The following ST6GALNAC3 variants were observed in gnomAD, a reference collection of about 807,000 sequenced individuals.
ST6GALNAC3 encodes ST6 N-acetylgalactosaminide alpha-2,6-sialyltransferase 3.
ST6GALNAC3 carries 25 observed loss-of-function variants against 32.7 expected under a neutral mutation model. The observed-to-expected ratio is 0.76, with a 90% CI of 0.56 to 1.07. The LOEUF is 1.07. Among genes scored for constraint, ST6GALNAC3 ranks in the 50% least tolerant of loss-of-function variants. The pLI, the probability that ST6GALNAC3 is intolerant of heterozygous loss-of-function variation, is 0.00. For missense variants in ST6GALNAC3, 355 were observed against 382.4 expected, an observed-to-expected ratio of 0.93 and a Z score of 0.60; for synonymous variants, 129 against 133.1, an observed-to-expected ratio of 0.97 and a Z score of 0.21.
intron 2 of ST6GALNAC3, among the ~76,000 whole-genome samples, chr1:76,346,290 C>T (rs796750017): frequency 1.3e-5 from 2 of 152,200 alleles, no homozygotes; most frequent in African/African-American, 4.8e-5. Context: ...AGGTCACAGA[C>T]AGGAGGTGGT....
chr1:76,238,566 A>C (rs931185774), intron 1 of ST6GALNAC3, among the ~76,000 whole-genome samples: 14 of 152,236 alleles, frequency 9.2e-5, no homozygotes, highest in Non-Finnish European at 1.8e-4. Context: ...GAGGAGATGG[A>C]TGATGCAGCC....
chr1:76,481,218 A>C (rs1659700773), intron 3 of ST6GALNAC3, among the ~76,000 whole-genome samples: 2 of 152,182 alleles, frequency 1.3e-5, no homozygotes, highest in Admixed American at 1.3e-4. Flanking sequence ...AAATAGGCCT[A>C]ATTGGAGGGA....
chr1:76,579,929 A>G (rs1441683877), intron 3 of ST6GALNAC3, among the ~76,000 whole-genome samples: 3 of 152,022 alleles, frequency 2.0e-5, no homozygotes, highest in African/African-American at 4.8e-5. Context: ...CCATTAGTTG[A>G]TTAGAGATTA....
intron 2 of ST6GALNAC3, among the ~76,000 whole-genome samples, chr1:76,375,872 A>C (rs1394807056): frequency 6.6e-6 from 1 of 152,212 alleles, no homozygotes; most frequent in Non-Finnish European, 1.5e-5. Context: ...TTGATAAAGC[A>C]AGGTAGGGGA....
At chr1:76,382,723 T>C (rs1000024378) in intron 2 of ST6GALNAC3, among the ~76,000 whole-genome samples, 2 of 152,182 alleles carry the variant, frequency 1.3e-5, no homozygotes, top group Non-Finnish European at 2.9e-5. Flanking sequence ...AATTAGACTC[T>C]AAGGGATTAT....
intron 2 of ST6GALNAC3, among the ~76,000 whole-genome samples, chr1:76,392,691 G>T (rs1557848621): frequency 1.3e-5 from 2 of 152,136 alleles, no homozygotes; most frequent in African/African-American, 4.8e-5. Context: ...GGAATTCAGG[G>T]TTTGGTGGCA....
intron 2 of ST6GALNAC3, among the ~76,000 whole-genome samples, chr1:76,395,681 G>A (rs1652901862): frequency 6.6e-6 from 1 of 152,110 alleles, no homozygotes; most frequent in East Asian, 1.9e-4. Flanking sequence ...CATCATGAAT[G>A]GAACTGGGGG....
intron 2 of ST6GALNAC3, among the ~76,000 whole-genome samples, chr1:76,410,177 C>A (rs1317562460): frequency 2.0e-5 from 3 of 152,104 alleles, no homozygotes; most frequent in African/African-American, 7.2e-5. Context: ...CTGAAAGACC[C>A]CAAGTGATTT....
intron 2 of ST6GALNAC3, among the ~76,000 whole-genome samples, chr1:76,395,545 T>C (rs1652885750): frequency 6.6e-6 from 1 of 152,042 alleles, no homozygotes; most frequent in South Asian, 2.1e-4. Context: ...AATCTAAGTG[T>C]CATCAGTGGC....
At chr1:76,636,833 C>T (rs1418339014), downstream of ST6GALNAC3, 1 of 152,162 alleles carries the variant, frequency 6.6e-6, no homozygotes, top group Non-Finnish European at 1.5e-5. Flanking sequence ...TTAGCTGGGA[C>T]TCTAAAAGCA....
In ST6GALNAC3 at chr1:76,628,951, T is replaced by TTCCTG; in HGVS notation, c.*145_*146insTCCTG. ...CCTGTACACTCTCAGATGTGGATGG[T>TTCCTG]GACTCTGCTAGTAATTTAAACTTGG... On this transcript the variant is annotated 3_prime_UTR_variant, in exon 5 of 5. Coordinates refer to ENST00000328299, the MANE Select transcript of ST6GALNAC3 (RefSeq NM_152996.4). 6.9e-7 allele frequency: 1 copy of TTCCTG among 1,453,862 alleles called. No homozygotes were observed. The highest frequency in any genetic ancestry group is 1.5e-5 in the South Asian group (1 of 66,548). 90.1% of individuals were successfully genotyped at this position (1,453,862 alleles called of 1,614,324 possible).
chr1:76,241,349 A>C (rs186833288), intron 1 of ST6GALNAC3, among the ~76,000 whole-genome samples: 1 of 152,198 alleles, frequency 6.6e-6, no homozygotes, highest in African/African-American at 2.4e-5. Flanking sequence ...GCTTCCACTC[A>C]TGGTGGAAAG....
chr1:76,486,872 C>T (rs1171683639), intron 3 of ST6GALNAC3, among the ~76,000 whole-genome samples: 2 of 152,110 alleles, frequency 1.3e-5, no homozygotes, highest in South Asian at 2.1e-4. Flanking sequence ...ACCGGTTGTT[C>T]CTTTCCATGT....
At chr1:76,636,604 T>C (rs1226046857), downstream of ST6GALNAC3, among the ~76,000 whole-genome samples, 1 of 152,182 alleles carries the variant, frequency 6.6e-6, no homozygotes, top group Non-Finnish European at 1.5e-5. Context: ...AGAGAGGACC[T>C]TATATGCATT....
intron 3 of ST6GALNAC3, among the ~76,000 whole-genome samples, chr1:76,599,706 C>T (rs1647190484): frequency 6.9e-6 from 1 of 144,130 alleles, no homozygotes; most frequent in Admixed American, 7.2e-5. Flanking sequence ...TTATTCCTCC[C>T]ACTACCGTAT....
intron 3 of ST6GALNAC3, among the ~76,000 whole-genome samples, chr1:76,534,939 G>T (rs565208740): frequency 7.9e-5 from 12 of 152,140 alleles, no homozygotes; most frequent in Admixed American, 1.3e-4. Flanking sequence ...AGCACATCAG[G>T]TATCTTCTCT....
intron 1 of ST6GALNAC3, among the ~76,000 whole-genome samples, chr1:76,254,209 C>G (rs955412510): frequency 7.2e-5 from 11 of 152,070 alleles, no homozygotes; most frequent in Admixed American, 4.6e-4. Flanking sequence ...GTTCTTAGGA[C>G]AGTTACTATT....
intron 3 of ST6GALNAC3, among the ~76,000 whole-genome samples, chr1:76,544,097 A>G (rs1664152115): frequency 6.8e-6 from 1 of 147,686 alleles, no homozygotes; most frequent in Admixed American, 6.7e-5. Context: ...ATATATATAT[A>G]TATGAAATTT....
At chr1:76,272,324 GAAAAAAAAAA>G (rs55839101) in intron 1 of ST6GALNAC3, among the ~76,000 whole-genome samples, 80 of 112,056 alleles carry the variant, frequency 7.1e-4, no homozygotes, top group Non-Finnish European at 1.2e-3. Flanking sequence ...CTCAGTCTCG[GAAAAAAAAAA>G]AAAAAAAAAA....
Sources: gnomAD v4.1 joint callset for allele counts (sites outside exome capture counted in the v4.1 genomes callset) on GRCh38, gnomAD v4.1.1 for gene constraint, MANE v1.5 for transcripts, NCBI Gene and HGNC (gene_info 2026-07-23, HGNC 2026-07-21) for gene names.